SLF1: variants seen among roughly 807,000 people sequenced by gnomAD.
The protein encoded by SLF1 is SMC5-SMC6 complex localization factor protein 1.
Under a neutral mutation model 123.0 loss-of-function variants are expected in SLF1, and 105 were observed. The observed-to-expected ratio is 0.85, with a 90% CI of 0.73 to 1.00. SLF1 has a LOEUF of 1.00. Among genes scored for constraint, SLF1 ranks in the 50% least tolerant of loss-of-function variants. The probability of loss-of-function intolerance (pLI) is 0.00; values close to 1 mark genes in which losing one functional copy is unlikely to be tolerated. For synonymous variants in SLF1, 434 were observed against 406.6 expected (o/e 1.07, Z -0.81); for missense variants, 1,239 against 1,223.0 (o/e 1.01, Z -0.20).
chr5:94,660,440 C>T (rs558716738), intron 9 of SLF1, among the ~76,000 whole-genome samples: 31 of 152,252 alleles, frequency 2.0e-4, no homozygotes, highest in African/African-American at 6.7e-4. Flanking sequence ...TGGGTTGATA[C>T]CCATTCTCCC....
At chr5:94,662,100 T>C (rs527980238) in intron 9 of SLF1, among the ~76,000 whole-genome samples, 198 bp from the exon 10 acceptor site, 13 of 152,160 alleles carry the variant, frequency 8.5e-5, no homozygotes. Context: ...AAGGAGAAAA[T>C]AGAGAAATGC....
intron 5 of SLF1, among the ~76,000 whole-genome samples, chr5:94,645,739 A>G (rs573557975): frequency 6.6e-6 from 1 of 152,214 alleles, no homozygotes; most frequent in East Asian, 1.9e-4. Flanking sequence ...ATTTGGTTTT[A>G]GAATACATTG....
intron 6 of SLF1, 117 bp from the exon 7 acceptor site, chr5:94,651,585 T>C: frequency 1.4e-6 from 1 of 702,310 alleles, no homozygotes; most frequent in Non-Finnish European, 2.2e-6. Flanking sequence ...TAACCTTGTA[T>C]GTATATTTTA....
intron 16 of SLF1, 38 bp from the exon 17 acceptor site, chr5:94,688,468 T>C (rs767270053): frequency 6.3e-7 from 1 of 1,588,150 alleles, no homozygotes; most frequent in South Asian, 1.1e-5. Flanking sequence ...CTGCTGTTTT[T>C]GTAGTTGAGA....
chr5:94,693,092 T>C (rs559179257), intron 20 of SLF1, among the ~76,000 whole-genome samples: 2 of 152,254 alleles, frequency 1.3e-5, no homozygotes, highest in South Asian at 2.1e-4. Flanking sequence ...TCTTATCCTG[T>C]AATTAAAACA....
rs779343302 is a variant in SLF1 at position 94,686,488 on chromosome 5, A to G, written c.1976-85A>G. On this transcript the variant is annotated intron_variant, in intron 15 of 20. Transcript: ENST00000265140. ...AGGTGTAAGAGCTCTCATTTGACAG[A>G]ATAAACTTCACTAAGGAAATAGCCT... 3.1e-4 allele frequency: 452 copies of G among 1,439,652 alleles called. 2 individuals are homozygous for G. The highest frequency in any genetic ancestry group is 6.5e-4 in the South Asian group (52 of 79,714). The allele number at this position is 1,439,652 out of a possible 1,614,324, so 89.2% of individuals were successfully genotyped here.
At chr5:94,679,602 A>C (rs73144175) in intron 15 of SLF1, among the ~76,000 whole-genome samples, 11,173 of 152,076 alleles carry the variant, frequency 0.073, 460 homozygotes, top group South Asian at 0.12. Context: ...TTTAAAAAAA[A>C]AAACAAACAA....
chr5:94,670,630 G>A (rs1750331105), intron 13 of SLF1, among the ~76,000 whole-genome samples: 1 of 151,788 alleles, frequency 6.6e-6, no homozygotes, highest in African/African-American at 2.4e-5. Context: ...TCTAAAACTT[G>A]CAGATAGATT....
At chr5:94,671,485 G>A (rs544342127) in intron 14 of SLF1, among the ~76,000 whole-genome samples, 1 of 151,782 alleles carries the variant, frequency 6.6e-6, no homozygotes, top group Non-Finnish European at 1.5e-5. Context: ...TGATTTTAGT[G>A]TATTATCCAT....
chr5:94,653,169 T>C lies in SLF1; in HGVS notation c.883-103T>C, dbSNP rs117615143. 1,304 of 1,188,826 alleles carry C rather than the reference T, an allele frequency of 1.1e-3. 25 individuals carry two copies. The East Asian group carries it at 0.035, about 31-fold the overall frequency. The allele number at this position is 1,188,826 out of a possible 1,614,324, so 73.6% of individuals were successfully genotyped here. A position where few individuals can be genotyped will look rare whatever the true frequency, so the allele number is the denominator to read the frequency against. ...ACCGCGCCCGGCCGTACTTCTTTATTTTTTAATGTGTATGAAAGTATGAAA... is the reference window on the plus strand; with the variant it reads ...ACCGCGCCCGGCCGTACTTCTTTATCTTTTAATGTGTATGAAAGTATGAAA... On this transcript the variant is annotated intron_variant, in intron 7 of 20. Transcript: ENST00000265140.
intron 15 of SLF1, 77 bp from the exon 16 acceptor site, chr5:94,686,496 T>G: frequency 6.7e-7 from 1 of 1,485,270 alleles, no homozygotes; most frequent in Non-Finnish European, 9.2e-7. Flanking sequence ...AGAATAAACT[T>G]CACTAAGGAA....
chr5:94,623,379 C>T (rs746118035), intron 1 of SLF1, among the ~76,000 whole-genome samples: 1 of 152,056 alleles, frequency 6.6e-6, no homozygotes, highest in East Asian at 1.9e-4. Context: ...TTAATAATTA[C>T]TACAAAAGGA....
At chr5:94,646,250 T>C (rs776919196) in intron 5 of SLF1, among the ~76,000 whole-genome samples, 43 of 151,936 alleles carry the variant, frequency 2.8e-4, no homozygotes, top group Non-Finnish European at 4.7e-4. Context: ...CTTGTCCCCC[T>C]TTTTTTTAAG....
intron 9 of SLF1, among the ~76,000 whole-genome samples, chr5:94,658,434 G>T (rs1748690520): frequency 6.6e-6 from 1 of 151,652 alleles, no homozygotes; most frequent in East Asian, 1.9e-4. Flanking sequence ...TGGGTTTGTT[G>T]TTGTTGTTGT....
intron 5 of SLF1, among the ~76,000 whole-genome samples, chr5:94,647,173 G>A (rs749321262): frequency 1.3e-5 from 2 of 152,052 alleles, no homozygotes; most frequent in Non-Finnish European, 2.9e-5. Flanking sequence ...CAGTCTCTTT[G>A]TAGGTAGTTA....
At chr5:94,653,456 T>G in intron 8 of SLF1, 35 bp downstream of exon 8, 1 of 1,462,066 alleles carries the variant, frequency 6.8e-7, no homozygotes. Flanking sequence ...GCTTTCTTTT[T>G]TATTTTTTGG....
intron 16 of SLF1, among the ~76,000 whole-genome samples, chr5:94,687,690 TCAACAA>T (rs142879632): frequency 3.9e-4 from 59 of 150,222 alleles, no homozygotes; most frequent in East Asian, 1.8e-3. Flanking sequence ...AGACCCTGTC[TCAACAA>T]CAACAACAAC....
At chr5:94,654,029 G>A (rs1347299463) in intron 8 of SLF1, among the ~76,000 whole-genome samples, 2 of 152,172 alleles carry the variant, frequency 1.3e-5, no homozygotes, top group East Asian at 3.9e-4. Context: ...AAATTAGCTG[G>A]CATGGTAGTA....
At chr5:94,654,394 GAA>G (rs11427225) in intron 8 of SLF1, among the ~76,000 whole-genome samples, 20 of 106,764 alleles carry the variant, frequency 1.9e-4, no homozygotes, top group South Asian at 3.0e-4. Context: ...AGAGTAAAAA[GAA>G]AAAAAAAAAA....
Sources: gnomAD v4.1 joint callset for allele counts (sites outside exome capture counted in the v4.1 genomes callset) on GRCh38, gnomAD v4.1.1 for gene constraint, MANE v1.5 for transcripts, NCBI Gene and HGNC (gene_info 2026-07-23, HGNC 2026-07-21) for gene names.